Variants in FKBP5 observed in about 807,000 individuals in gnomAD.
FKBP5 encodes FKBP prolyl isomerase 5.
FKBP5 carries 23 observed loss-of-function variants against 50.5 expected under a neutral mutation model. That is an observed-to-expected ratio of 0.46 (90% confidence interval 0.33 to 0.65). The LOEUF is 0.65. Ranked by LOEUF, FKBP5 falls within the 30% of genes least tolerant of loss-of-function variation. The pLI is 0.02. For synonymous variants in FKBP5, 176 were observed against 190.6 expected (o/e 0.92, Z 0.63); for missense variants, 411 against 553.1 (o/e 0.74, Z 2.58).
chr6:35,587,227 C>G, intron 7 of FKBP5, 110 bp from the exon 8 acceptor site: 4 of 971,314 alleles, frequency 4.1e-6, no homozygotes, highest in Non-Finnish European at 6.4e-6. Context: ...ACTGAAAACA[C>G]TCTGGCTGTT....
chr6:35,691,605 G>A (rs1457952612), upstream of FKBP5, among the ~76,000 whole-genome samples: 1 of 152,100 alleles, frequency 6.6e-6, no homozygotes, highest in Non-Finnish European at 1.5e-5. Flanking sequence ...AGAGTCTGTG[G>A]AGAACAGTCA....
intron 2 of FKBP5, among the ~76,000 whole-genome samples, chr6:35,704,172 A>C (rs1253093675): frequency 1.3e-5 from 2 of 152,176 alleles, no homozygotes; most frequent in Non-Finnish European, 2.9e-5. Flanking sequence ...TGCAAACTTG[A>C]GAAATTTCTC....
chr6:35,704,652 A>G (rs1473302610), intron 2 of FKBP5, among the ~76,000 whole-genome samples: 1 of 151,996 alleles, frequency 6.6e-6, no homozygotes, highest in Non-Finnish European at 1.5e-5. Flanking sequence ...TAAATTGTAT[A>G]TTTTTGTAGA....
At chr6:35,725,531 C>T (rs866358521) in intron 1 of FKBP5, among the ~76,000 whole-genome samples, 10 of 152,140 alleles carry the variant, frequency 6.6e-5, no homozygotes, top group South Asian at 4.1e-4. Context: ...CTTCACCCTT[C>T]TGGAGTCTAA....
chr6:35,596,356 A>AAT (rs751350872), intron 6 of FKBP5, among the ~76,000 whole-genome samples: 53 of 151,372 alleles, frequency 3.5e-4, no homozygotes, highest in East Asian at 1.2e-3. Flanking sequence ...TCCATCTCAA[A>AAT]ATATATATAT....
chr6:35,623,946 CT>C (rs1318373363), intron 3 of FKBP5, among the ~76,000 whole-genome samples: 1 of 152,044 alleles, frequency 6.6e-6, no homozygotes, highest in Admixed American at 6.6e-5. Context: ...AGTGATACTT[CT>C]GCTTCAGCTT....
At chr6:35,657,533 T>C (rs1478137655) in intron 1 of FKBP5, among the ~76,000 whole-genome samples, 2 of 152,236 alleles carry the variant, frequency 1.3e-5, no homozygotes, top group East Asian at 3.8e-4. Flanking sequence ...GTTTTCCACT[T>C]TTAAGAACCC....
chr6:35,705,245 TA>T (rs1766281005), intron 2 of FKBP5, among the ~76,000 whole-genome samples: 3 of 3,266 alleles, frequency 9.2e-4, no homozygotes, highest in Non-Finnish European at 1.2e-3. Context: ...TATATATATA[TA>T]TATATATATA....
intron 2 of FKBP5, among the ~76,000 whole-genome samples, chr6:35,708,451 C>T (rs535411080): frequency 4.6e-5 from 7 of 152,252 alleles, no homozygotes; most frequent in Non-Finnish European, 1.0e-4. Flanking sequence ...GGGCTTTCAC[C>T]ATGTTGGCCA....
Position 35,609,988 on chromosome 6 carries a change from T to C in FKBP5, c.508+9108A>G, listed in dbSNP as rs149395536. 8.0e-3 allele frequency among the ~76,000 whole-genome samples: 1,226 copies of C among 152,340 alleles called. 14 individuals carry two copies. Among genetic ancestry groups the C allele is most frequent in the African/African-American group, 0.026 (1,071 of 41,568 alleles). On this transcript the variant is annotated intron_variant, in intron 5 of 10. Coordinates refer to ENST00000357266, the MANE Select transcript of FKBP5 (RefSeq NM_004117.4). ...GTGATATTTGCTGATGATTCTTTGC[T>C]GTCTGGCCGTATTATAAAGGAAGGA...
intron 5 of FKBP5, among the ~76,000 whole-genome samples, chr6:35,597,674 C>T (rs1180156696): frequency 6.6e-6 from 1 of 152,146 alleles, no homozygotes; most frequent in East Asian, 1.9e-4. Context: ...CAGGTTTATT[C>T]TAAGCCTACT....
chr6:35,684,737 T>G (rs1265472592), intron 1 of FKBP5, among the ~76,000 whole-genome samples: 1 of 152,160 alleles, frequency 6.6e-6, no homozygotes, highest in Admixed American at 6.5e-5. Flanking sequence ...TCCAAGAGGC[T>G]ATAAGTCGGC....
chr6:35,624,523 A>C lies in FKBP5; in HGVS notation c.251-4249T>G, dbSNP rs562278544. 1.6e-3 allele frequency among the ~76,000 whole-genome samples: 238 copies of C among 152,080 alleles called. 2 individuals are homozygous for C. Among genetic ancestry groups the C allele is most frequent in the African/African-American group, 5.5e-3 (229 of 41,498 alleles). On this transcript the variant is annotated intron_variant, in intron 3 of 10. Transcript: ENST00000357266. ...TTTTTTTTTTGTCTAAGCCCAGAGG[A>C]AAAAAACAAGGTCACTGAGCATTTT...
At chr6:35,594,287 G>A (rs12111391) in intron 6 of FKBP5, among the ~76,000 whole-genome samples, 93 of 151,934 alleles carry the variant, frequency 6.1e-4, no homozygotes, top group African/African-American at 2.2e-3. Context: ...CCAGGAGTTC[G>A]AGGCTACAGA....
Position 35,620,195 on chromosome 6 carries a change from TTCTGG to T in FKBP5, c.325_329del (p.Pro109IlefsTer11). On this transcript the variant is annotated frameshift_variant, in exon 4 of 11. Coordinates refer to ENST00000357266, the MANE Select transcript of FKBP5 (RefSeq NM_004117.4). LOFTEE classifies it high-confidence loss of function. ...GACTGCCAGCCGAGCCATATGCATA[TTCTGG>T]TTTGCACAGTAAATGGCATATCTCT... 6.2e-7 allele frequency: 1 copy of T among 1,614,188 alleles called. No homozygotes were observed. Among genetic ancestry groups the T allele is most frequent in the Non-Finnish European group, 8.5e-7 (1 of 1,180,008 alleles).
At chr6:35,608,819 A>T (rs1422663474) in intron 5 of FKBP5, among the ~76,000 whole-genome samples, 1 of 152,112 alleles carries the variant, frequency 6.6e-6, no homozygotes, top group Non-Finnish European at 1.5e-5. Context: ...TATTATTATT[A>T]TTTTGACACA....
intron 1 of FKBP5, among the ~76,000 whole-genome samples, chr6:35,685,056 G>A (rs1007371520): frequency 3.6e-4 from 53 of 147,976 alleles, no homozygotes; most frequent in Admixed American, 1.4e-3. Flanking sequence ...GCAAGACCCC[G>A]ACTCAAAAAA....
At chr6:35,623,752 CTTT>C (rs781042802) in intron 3 of FKBP5, among the ~76,000 whole-genome samples, 2 of 142,042 alleles carry the variant, frequency 1.4e-5, no homozygotes, top group Non-Finnish European at 1.6e-5. Context: ...TTTTCTTCTT[CTTT>C]TTTTTTTTTT....
At chr6:35,713,355 G>A (rs922170645) in intron 2 of FKBP5, among the ~76,000 whole-genome samples, 3 of 152,158 alleles carry the variant, frequency 2.0e-5, no homozygotes, top group African/African-American at 7.2e-5. Context: ...TATGAAGACC[G>A]TTGGCTCCAG....
Sources: gnomAD v4.1 joint callset for allele counts (sites outside exome capture counted in the v4.1 genomes callset) on GRCh38, gnomAD v4.1.1 for gene constraint, MANE v1.5 for transcripts, NCBI Gene and HGNC (gene_info 2026-07-23, HGNC 2026-07-21) for gene names.